The following BCAS3 variants were observed in gnomAD, a reference collection of about 807,000 sequenced individuals.
The protein encoded by BCAS3 is BCAS3 microtubule associated cell migration factor.
BCAS3 carries 53 observed loss-of-function variants against 116.1 expected under a neutral mutation model. The observed-to-expected ratio is 0.46, with a 90% CI of 0.37 to 0.57. The LOEUF is 0.57. Among genes scored for constraint, BCAS3 ranks in the 20% least tolerant of loss-of-function variants. The pLI is 0.00. For synonymous variants in BCAS3, 391 were observed against 408.2 expected (o/e 0.96, Z 0.51); for missense variants, 917 against 1,165.4 (o/e 0.79, Z 3.10).
At chr17:60,984,747 C>T (rs946625819) in intron 14 of BCAS3, among the ~76,000 whole-genome samples, 5 of 152,004 alleles carry the variant, frequency 3.3e-5, no homozygotes, top group Admixed American at 1.3e-4. Context: ...CAGTGGCTCA[C>T]GCCTGTAATC....
chr17:60,707,155 G>A (rs758500758), intron 4 of BCAS3, among the ~76,000 whole-genome samples: 3 of 151,822 alleles, frequency 2.0e-5, no homozygotes, highest in African/African-American at 4.8e-5. Flanking sequence ...CACCATGCCC[G>A]GCTAATTTTG....
At chr17:60,934,210 C>A (rs2059805672) in intron 13 of BCAS3, among the ~76,000 whole-genome samples, 1 of 151,930 alleles carries the variant, frequency 6.6e-6, no homozygotes, top group Admixed American at 6.6e-5. Flanking sequence ...ACAAAAATGC[C>A]CAGGTCCCAC....
At chr17:61,305,197 C>T (rs1340963947) in intron 22 of BCAS3, among the ~76,000 whole-genome samples, 5 of 152,182 alleles carry the variant, frequency 3.3e-5, no homozygotes, top group African/African-American at 1.2e-4. Context: ...AATGAAGCAA[C>T]ATCTCTTGGG....
rs2058148722 is a variant in BCAS3 at position 61,356,530 on chromosome 17, C to T, written c.2426-11797C>T. ...TCCTTACTGGGACCTACACTGATGACTGATCTCTTGGGCTCACAGCCCTGC... is the reference window on the plus strand; with the variant it reads ...TCCTTACTGGGACCTACACTGATGATTGATCTCTTGGGCTCACAGCCCTGC... On this transcript the variant is annotated intron_variant, in intron 22 of 23. Coordinates refer to ENST00000407086, the MANE Select transcript of BCAS3 (RefSeq NM_017679.5). This position sits in a 1 kb window ranked among gnomAD's most constrained non-coding sequence, Gnocchi z 5.4. Among the ~76,000 whole-genome samples, 1 of 152,216 alleles carries T rather than the reference C, an allele frequency of 6.6e-6. No homozygotes were observed.
intron 22 of BCAS3, among the ~76,000 whole-genome samples, chr17:61,192,283 G>A (rs1425215158): frequency 5.8e-5 from 6 of 102,668 alleles, no homozygotes; most frequent in African/African-American, 1.1e-4. Context: ...GTTTAGAAAC[G>A]TCAACATTTA....
rs1016334366 is a variant in BCAS3 at position 60,955,386 on chromosome 17, A to ATTTTTTTTTTTTTTTTTTTTTTT, written c.1221+8053_1221+8054insTTTTTTTTTTTTTTTTTTTTTTT. ...AAAGGATCTAGTTCAGGGAAACTGA[A>ATTTTTTTTTTTTTTTTTTTTTTT]TTTTTTTTTTTTTTTTTTTGAGACA... On this transcript the variant is annotated intron_variant, in intron 14 of 23. Transcript: ENST00000407086. Among the ~76,000 whole-genome samples, 16 of 128,078 alleles carry ATTTTTTTTTTTTTTTTTTTTTTT rather than the reference A, an allele frequency of 1.2e-4. 2 individuals are homozygous for ATTTTTTTTTTTTTTTTTTTTTTT. The highest frequency in any genetic ancestry group is 4.9e-4 in the African/African-American group (14 of 28,284). 84.0% of individuals were successfully genotyped at this position (128,078 alleles called of 152,430 possible).
At chr17:60,975,947 T>C (rs1429949799) in intron 14 of BCAS3, among the ~76,000 whole-genome samples, 2 of 151,950 alleles carry the variant, frequency 1.3e-5, no homozygotes, top group South Asian at 4.1e-4. Context: ...CATTTATCAA[T>C]TGATAGACAT....
At chr17:60,808,099 T>G in intron 7 of BCAS3, 23 bp downstream of exon 7, 1 of 1,463,004 alleles carries the variant, frequency 6.8e-7, no homozygotes, top group Non-Finnish European at 9.5e-7. Context: ...TAAAAATTCT[T>G]TGTATCACCT....
At chr17:60,980,304 C>CT in intron 14 of BCAS3, among the ~76,000 whole-genome samples, 1 of 152,048 alleles carries the variant, frequency 6.6e-6, no homozygotes. Context: ...AACTTATCAT[C>CT]TTTTTTTATT....
intron 7 of BCAS3, among the ~76,000 whole-genome samples, chr17:60,812,245 G>T (rs754129410): frequency 6.6e-6 from 1 of 152,154 alleles, no homozygotes; most frequent in Non-Finnish European, 1.5e-5. Context: ...TGGGGAGAGG[G>T]CTGCAATTTA....
chr17:60,698,260 AGGAAAGC>A (rs2035905099), intron 4 of BCAS3, among the ~76,000 whole-genome samples: 2 of 151,766 alleles, frequency 1.3e-5, no homozygotes, highest in East Asian at 1.9e-4. Flanking sequence ...ATAAAATGAA[AGGAAAGC>A]CAAGGAAAAA....
At chr17:60,693,122 C>T (rs886210883) in intron 4 of BCAS3, among the ~76,000 whole-genome samples, 7 of 151,838 alleles carry the variant, frequency 4.6e-5, no homozygotes, top group African/African-American at 7.3e-5. Context: ...GTCATCTGCC[C>T]GCTTTGGCCT....
In BCAS3 at chr17:61,034,136, T is replaced by C. The variant is rs1370173774; in HGVS notation, c.1638-530T>C. On this transcript the variant is annotated intron_variant, in intron 16 of 23. Coordinates refer to ENST00000407086, the MANE Select transcript of BCAS3 (RefSeq NM_017679.5). This position sits in a 1 kb window ranked among gnomAD's most constrained non-coding sequence, Gnocchi z 5.0. ...TGCACTGTCTAACTCTCCATAGCAT[T>C]GTGGCCGAGAGAGCATTTTCAAGGC... is the stretch of plus-strand genomic sequence containing the variant. 6.6e-6 allele frequency among the ~76,000 whole-genome samples: 1 copy of C among 152,224 alleles called. No individual in the cohort carries two copies. The highest frequency in any genetic ancestry group is 1.5e-5 in the Non-Finnish European group (1 of 68,036).
intron 13 of BCAS3, among the ~76,000 whole-genome samples, chr17:60,934,610 C>G (rs185657065): frequency 1.7e-3 from 252 of 152,256 alleles, no homozygotes; most frequent in African/African-American, 5.8e-3. Flanking sequence ...CTTGCCTGTC[C>G]CAGTAGCCTC....
At position 61,333,815 on chromosome 17, in the gene BCAS3, T is replaced by A. The variant is rs927382977; in HGVS notation, c.2426-34512T>A. Among the ~76,000 whole-genome samples, 2 of 152,000 alleles carry A rather than the reference T, an allele frequency of 1.3e-5. No homozygotes were observed. Among genetic ancestry groups the A allele is most frequent in the Admixed American group, 1.3e-4 (2 of 15,250 alleles). ...TTTATATTTTCAGTAAAATGGGGTT[T>A]CACCATGTTGGCCAAGCCGGTCTCA... On this transcript the variant is annotated intron_variant, in intron 22 of 23. Coordinates refer to ENST00000407086, the MANE Select transcript of BCAS3 (RefSeq NM_017679.5). The surrounding 1 kb of genome is among the most constrained non-coding windows in gnomAD (Gnocchi z 4.8).
At chr17:61,290,836 A>T (rs2052317040) in intron 22 of BCAS3, among the ~76,000 whole-genome samples, 1 of 152,076 alleles carries the variant, frequency 6.6e-6, no homozygotes, top group Non-Finnish European at 1.5e-5. Flanking sequence ...GCTGGAGTGC[A>T]GTGGCGTGAT....
At position 60,710,906 on chromosome 17, in the gene BCAS3, G is replaced by A. The variant is rs1373963485; in HGVS notation, c.321+1581G>A. Among the ~76,000 whole-genome samples the A allele has an allele frequency of 4.7e-5, 7 of 150,446 alleles. No homozygotes were observed. The South Asian group carries it at 6.3e-4, about 14-fold the overall frequency. Reference sequence around the variant, plus strand: ...TATCCTCCACCTCCTGGACTCAAGCGATCCTCCCACATCAGCCTCTGGAGT... The same window carrying A: ...TATCCTCCACCTCCTGGACTCAAGCAATCCTCCCACATCAGCCTCTGGAGT... On this transcript the variant is annotated intron_variant, in intron 5 of 23. Transcript: ENST00000407086.
intron 22 of BCAS3, among the ~76,000 whole-genome samples, chr17:61,317,545 C>T (rs1007564725): frequency 2.6e-5 from 4 of 152,116 alleles, no homozygotes; most frequent in East Asian, 3.8e-4. Context: ...GCTTCATTGA[C>T]GGTGAGGTGA....
chr17:61,045,944 T>TA (rs2068121522), intron 19 of BCAS3, among the ~76,000 whole-genome samples: 1 of 14,092 alleles, frequency 7.1e-5, no homozygotes, highest in Non-Finnish European at 9.2e-5. Flanking sequence ...ATATATATAT[T>TA]ATATATATAA....
Sources: gnomAD v4.1 joint callset for allele counts (sites outside exome capture counted in the v4.1 genomes callset) on GRCh38, gnomAD v4.1.1 for gene constraint, Gnocchi (gnomAD v3.1) non-coding constraint, MANE v1.5 for transcripts, NCBI Gene and HGNC (gene_info 2026-07-23, HGNC 2026-07-21) for gene names.